TMEM62: variants seen among roughly 807,000 people sequenced by gnomAD.
The protein encoded by TMEM62 is transmembrane protein 62.
In TMEM62, 41 loss-of-function variants were observed where a neutral mutation model predicts 70.4. The ratio of observed to expected loss-of-function variants is 0.58; its 90% CI spans 0.45 to 0.76. TMEM62 has a LOEUF of 0.76. Among genes scored for constraint, TMEM62 ranks in the 30% least tolerant of loss-of-function variants. The probability of loss-of-function intolerance (pLI) is 0.00; values close to 1 mark genes in which losing one functional copy is unlikely to be tolerated. For synonymous variants in TMEM62, 268 were observed against 291.0 expected (o/e 0.92, Z 0.80); for missense variants, 688 against 788.5 (o/e 0.87, Z 1.53).
Position 43,181,313 on chromosome 15 carries a change from A to C in TMEM62, c.1605+14A>C. On this transcript the variant is annotated intron_variant, in intron 13 of 13. Coordinates refer to ENST00000260403, the MANE Select transcript of TMEM62 (RefSeq NM_024956.4). ...GGAATTCTCCAGGTAAGAAGTCAGA[A>C]AAGCAATTTAAGAACATCTTGGACT... The C allele has an allele frequency of 6.5e-7, 1 of 1,539,642 alleles. No homozygotes were observed. The highest frequency in any genetic ancestry group is 1.7e-4 in the Middle Eastern group (1 of 5,834).
chr15:43,154,897 G>T, intron 9 of TMEM62, 66 bp downstream of exon 9: 2 of 1,374,070 alleles, frequency 1.5e-6, no homozygotes, highest in South Asian at 1.5e-5. Flanking sequence ...TTCTGGTTTG[G>T]AATTTTTTAG....
chr15:43,171,216 G>A (rs1172552922), intron 11 of TMEM62, among the ~76,000 whole-genome samples: 1 of 151,910 alleles, frequency 6.6e-6, no homozygotes, highest in East Asian at 1.9e-4. Flanking sequence ...CACACCTGTA[G>A]TCCTAGCTAC....
intron 9 of TMEM62, among the ~76,000 whole-genome samples, chr15:43,159,088 AT>A (rs1292797486): frequency 1.3e-5 from 2 of 151,962 alleles, no homozygotes; most frequent in Admixed American, 1.3e-4. Context: ...CTTTAAAAAA[AT>A]TTTTTTTAAA....
chr15:43,154,658 T>C lies in TMEM62; in HGVS notation c.1023-14T>C, dbSNP rs767094615. On this transcript the variant is annotated splice_polypyrimidine_tract_variant and intron_variant, in intron 8 of 13. Coordinates refer to ENST00000260403, the MANE Select transcript of TMEM62 (RefSeq NM_024956.4). ...AACCTCAAACCATGTGTTTTATATATGCTCTCATTTTAGAGTCTTGGCCTT... is the reference window on the plus strand; with the variant it reads ...AACCTCAAACCATGTGTTTTATATACGCTCTCATTTTAGAGTCTTGGCCTT... The C allele has an allele frequency of 1.9e-6, 3 of 1,592,906 alleles. No homozygotes were observed. Among genetic ancestry groups the C allele is most frequent in the Non-Finnish European group, 2.6e-6 (3 of 1,173,128 alleles).
chr15:43,178,418 C>T (rs74009287), intron 11 of TMEM62, among the ~76,000 whole-genome samples, 189 bp from the exon 12 acceptor site: 6,038 of 152,178 alleles, frequency 0.04, 398 homozygotes, highest in African/African-American at 0.14. Context: ...TTTTGCAATT[C>T]TAAGTGAACT....
Position 43,146,536 on chromosome 15 carries a change from C to A in TMEM62, c.520C>A (p.His174Asn). ...VRRDGSFHYVHSTPFGNYSFI... is the reference protein window; with the variant it reads ...VRRDGSFHYVNSTPFGNYSFI... ...TAGAGATGGCTCTTTCCATTATGTC[C>A]ACAGTACTCCCTTTGGCAACTATTC... The change falls in exon 5 of 14, where the codon CAC becomes AAC. Residue 174 changes from histidine (H) to asparagine (N), a missense_variant. His to Asn is a moderately conservative substitution (Grantham distance 68). Coordinates refer to ENST00000260403, the MANE Select transcript of TMEM62 (RefSeq NM_024956.4). 1 of 1,613,604 alleles carries A rather than the reference C, an allele frequency of 6.2e-7. No homozygotes were observed. Among genetic ancestry groups the A allele is most frequent in the East Asian group, 2.2e-5 (1 of 44,854 alleles).
At chr15:43,134,010 G>GGT in intron 1 of TMEM62, 28 bp downstream of exon 1, 1 of 1,435,960 alleles carries the variant, frequency 7.0e-7, no homozygotes, top group Admixed American at 2.8e-5. Flanking sequence ...CGGGCCGGGA[G>GGT]GCAGGTGCAG....
chr15:43,177,831 C>T (rs904174044), intron 11 of TMEM62, among the ~76,000 whole-genome samples: 5 of 151,684 alleles, frequency 3.3e-5, no homozygotes, highest in African/African-American at 9.7e-5. Context: ...GGGAACATCA[C>T]ACTCTGGGGA....
chr15:43,181,328 C>A, intron 13 of TMEM62, 29 bp downstream of exon 13: 1 of 1,423,024 alleles, frequency 7.0e-7, no homozygotes, highest in Non-Finnish European at 9.9e-7. Flanking sequence ...AATTTAAGAA[C>A]ATCTTGGACT....
intron 11 of TMEM62, among the ~76,000 whole-genome samples, chr15:43,178,396 G>A (rs185841392): frequency 2.6e-5 from 4 of 151,812 alleles, no homozygotes; most frequent in East Asian, 1.9e-4. Flanking sequence ...CCATTTCTTC[G>A]AACTCTCTGC....
At chr15:43,134,389 G>A (rs757074382) in intron 2 of TMEM62, 21 bp downstream of exon 2, 2 of 1,582,688 alleles carry the variant, frequency 1.3e-6, no homozygotes, top group Non-Finnish European at 8.7e-7. Flanking sequence ...TTGCCGTGCT[G>A]TGGTGGTGGT....
At chr15:43,156,323 A>T (rs1284104675) in intron 9 of TMEM62, among the ~76,000 whole-genome samples, 1 of 152,244 alleles carries the variant, frequency 6.6e-6, no homozygotes, top group African/African-American at 2.4e-5. Context: ...CTTGGTTTGT[A>T]AATGGAGAAA....
At position 43,184,387 on chromosome 15, in the gene TMEM62, T is replaced by C. The variant is rs765967454; in HGVS notation, c.1733T>C (p.Leu578Pro). The C allele has an allele frequency of 2.5e-6, 4 of 1,614,142 alleles. No homozygotes were observed. Among genetic ancestry groups the C allele is most frequent in the Admixed American group, 1.7e-5 (1 of 60,014 alleles). Reference protein sequence around the residue: ...KYLKIMPVHLLMLLLYIWQVY... With the variant: ...KYLKIMPVHLPMLLLYIWQVY... ...TTGAAAATTATGCCTGTTCACCTAC[T>C]TATGCTACTGCTGTACATCTGGCAG... The change falls in exon 14 of 14, where the codon CTT becomes CCT. Residue 578 changes from leucine to proline, a missense_variant. Coordinates refer to ENST00000260403, the MANE Select transcript of TMEM62 (RefSeq NM_024956.4).
Position 43,169,665 on chromosome 15 carries a change from C to T in TMEM62, c.1369C>T (p.Pro457Ser), listed in dbSNP as rs150227876. 425 of 1,613,742 alleles carry T rather than the reference C, an allele frequency of 2.6e-4. 5 individuals carry two copies. The African/African-American group carries it at 3.3e-3, about 13-fold the overall frequency. ...ILIIFRYRGY[P>S]ELKEPSGFIN... Reference sequence around the variant, plus strand: ...CATTATTTTTAGATATCGAGGATACCCAGAGCTTAAAGGTTAGTTATGGTT... The same window carrying T: ...CATTATTTTTAGATATCGAGGATACTCAGAGCTTAAAGGTTAGTTATGGTT... The change falls in exon 11 of 14, where the codon CCA becomes TCA. Residue 457 changes from proline to serine, a missense_variant. Physicochemically the swap from Pro to Ser is moderately conservative, Grantham distance 74 (BLOSUM62 -1). Coordinates refer to ENST00000260403, the MANE Select transcript of TMEM62 (RefSeq NM_024956.4).
rs554354420 is a variant in TMEM62, at chr15:43,143,304, T to C, written c.477-3189T>C. 3.3e-5 allele frequency among the ~76,000 whole-genome samples: 5 copies of C among 152,314 alleles called. No individual in the cohort carries two copies. The East Asian group carries it at 7.7e-4, about 24-fold the overall frequency. ...CTCAAACTCCTGACCTCAAGTGATC[T>C]GCCTGCCTTGGCCTCCAAAAGTGCT... On this transcript the variant is annotated intron_variant, in intron 4 of 13. Coordinates refer to ENST00000260403, the MANE Select transcript of TMEM62 (RefSeq NM_024956.4).
Position 43,140,993 on chromosome 15 carries a change from T to C in TMEM62, c.476+2374T>C, listed in dbSNP as rs115727454. Among the ~76,000 whole-genome samples the C allele has an allele frequency of 9.4e-3, 1,428 of 152,248 alleles. 27 individuals carry two copies. The highest frequency in any genetic ancestry group is 0.033 in the African/African-American group (1,355 of 41,540). ...CCGCTGGAGACTCTCAGTATCCTGT[T>C]TCCTCGGCTCCACCAGCTCCCAGAA... On this transcript the variant is annotated intron_variant, in intron 4 of 13. Transcript: ENST00000260403.
intron 12 of TMEM62, among the ~76,000 whole-genome samples, chr15:43,180,323 ATGT>A (rs1567245001): frequency 6.6e-6 from 1 of 152,140 alleles, no homozygotes; most frequent in Non-Finnish European, 1.5e-5. Flanking sequence ...GGATTTCACC[ATGT>A]TGGCCAGGCT....
At chr15:43,179,921 A>C (rs2041170579) in intron 12 of TMEM62, 1 of 152,218 alleles carries the variant, frequency 6.6e-6, no homozygotes, top group South Asian at 2.1e-4. Context: ...AGGTAAAGCA[A>C]GTAATTTGGT....
chr15:43,170,852 G>A lies in TMEM62; in HGVS notation c.1381+1175G>A, dbSNP rs1466385587. On this transcript the variant is annotated intron_variant, in intron 11 of 13. Transcript: ENST00000260403. ...CAAGAAAACTAGTACCTTGAGCAGG[G>A]GAATACAGCGCTCTTAGAAAAAGCA... Among the ~76,000 whole-genome samples, 142 of 152,112 alleles carry A rather than the reference G, an allele frequency of 9.3e-4. 1 individual carries two copies. The highest frequency in any genetic ancestry group is 1.2e-4 in the Non-Finnish European group (8 of 68,020).
Sources: allele counts gnomAD v4.1 joint callset (sites outside exome capture counted in the v4.1 genomes callset), GRCh38; gene constraint gnomAD v4.1.1; transcripts MANE v1.5; gene names NCBI Gene and HGNC (gene_info 2026-07-23, HGNC 2026-07-21).